The following ZNF536 variants were observed in gnomAD, a reference collection of about 807,000 sequenced individuals.
ZNF536 encodes the protein zinc finger protein 536.
In ZNF536, 13 loss-of-function variants were observed where a neutral mutation model predicts 84.5. That is an observed-to-expected ratio of 0.15 (90% CI 0.10 to 0.24). The LOEUF is 0.24. ZNF536 is among the 10% of genes least tolerant of loss of function. The pLI, the probability that ZNF536 is intolerant of heterozygous loss-of-function variation, is 1.00. For missense variants in ZNF536, 1,536 were observed against 1,747.5 expected, an observed-to-expected ratio of 0.88 and a Z score of 2.16; for synonymous variants, 811 against 742.5, an observed-to-expected ratio of 1.09 and a Z score of -1.50.
At chr19:30,495,151 C>T (rs1419986942) in intron 2 of ZNF536, among the ~76,000 whole-genome samples, 1 of 152,174 alleles carries the variant, frequency 6.6e-6, no homozygotes, top group African/African-American at 2.4e-5. Context: ...CTACCTTTCA[C>T]ATAGTACATT....
chr19:30,375,599 G>C lies in ZNF536; in HGVS notation c.-3+3043G>C, dbSNP rs915169802. On this transcript the variant is annotated intron_variant, in intron 1 of 4. Coordinates refer to ENST00000355537, the MANE Select transcript of ZNF536 (RefSeq NM_014717.3). ...GGAGGTCCCGGGACTTGGGGTGTGA[G>C]TGCCTGTGTGGGGGTAGGGGCAGGT... Among the ~76,000 whole-genome samples the C allele has an allele frequency of 4.6e-5, 7 of 152,234 alleles. 1 individual carries two copies. Among genetic ancestry groups the C allele is most frequent in the African/African-American group, 1.4e-4 (6 of 41,472 alleles).
intron 3 of ZNF536, among the ~76,000 whole-genome samples, chr19:30,538,693 G>C (rs1330302101): frequency 6.6e-6 from 1 of 152,188 alleles, no homozygotes; most frequent in Non-Finnish European, 1.5e-5. Context: ...CCTCACTCTG[G>C]CTCCAGGCAG....
At chr19:30,583,649 C>T (rs1055597195) in intron 1 of ZNF536, among the ~76,000 whole-genome samples, 1 of 152,136 alleles carries the variant, frequency 6.6e-6, no homozygotes. Context: ...GAAAGCAGTG[C>T]TTTCTGTACA....
chr19:30,486,593 T>A (rs1208559755), intron 2 of ZNF536, among the ~76,000 whole-genome samples: 1 of 152,232 alleles, frequency 6.6e-6, no homozygotes, highest in East Asian at 1.9e-4. Flanking sequence ...ATAGAATGAT[T>A]TATATTCCTT....
intron 2 of ZNF536, among the ~76,000 whole-genome samples, chr19:30,469,990 G>C (rs775355429): frequency 2.0e-5 from 3 of 152,236 alleles, no homozygotes; most frequent in Non-Finnish European, 4.4e-5. Context: ...GTCTCCAGGG[G>C]GAGAGATGTA....
At chr19:30,605,994 T>G (rs916869306) in intron 1 of ZNF536, among the ~76,000 whole-genome samples, 3 of 151,840 alleles carry the variant, frequency 2.0e-5, no homozygotes, top group African/African-American at 7.2e-5. Flanking sequence ...AGGTAGCCAG[T>G]CTTCTGTGAG....
chr19:30,237,281 G>C (rs528827509), intron 1 of ZNF536, among the ~76,000 whole-genome samples: 10 of 152,254 alleles, frequency 6.6e-5, no homozygotes, highest in Admixed American at 5.2e-4. Flanking sequence ...GTTTCCAGCT[G>C]CTTCCTTCCC....
intron 2 of ZNF536, among the ~76,000 whole-genome samples, chr19:30,479,477 A>T (rs1178297426): frequency 6.6e-6 from 1 of 152,252 alleles, no homozygotes; most frequent in African/African-American, 2.4e-5. Context: ...GGAGACAGGA[A>T]TTGCTAGTTG....
intron 2 of ZNF536, among the ~76,000 whole-genome samples, chr19:30,477,986 C>T (rs2053918641): frequency 6.6e-6 from 1 of 152,076 alleles, no homozygotes; most frequent in Admixed American, 6.5e-5. Context: ...CACCTTGCAG[C>T]TTCTGATGAT....
chr19:30,473,784 G>T (rs765633304), intron 2 of ZNF536, among the ~76,000 whole-genome samples: 1 of 152,166 alleles, frequency 6.6e-6, no homozygotes, highest in Non-Finnish European at 1.5e-5. Context: ...TGCCCTTCTG[G>T]CCCATCCTTC....
intron 1 of ZNF536, among the ~76,000 whole-genome samples, chr19:30,620,054 T>G (rs1252380550): frequency 6.6e-6 from 1 of 151,132 alleles, no homozygotes; most frequent in Admixed American, 6.7e-5. Flanking sequence ...GTAGTGATAA[T>G]TTAGGTACAC....
chr19:30,624,203 C>T (rs1488573144), intron 1 of ZNF536, among the ~76,000 whole-genome samples: 1 of 152,146 alleles, frequency 6.6e-6, no homozygotes, highest in Non-Finnish European at 1.5e-5. Context: ...GGTTGCTTGG[C>T]CCTCCAAGTT....
chr19:30,263,426 C>T (rs570973592), intron 1 of ZNF536, among the ~76,000 whole-genome samples: 4 of 152,188 alleles, frequency 2.6e-5, no homozygotes, highest in Non-Finnish European at 4.4e-5. Flanking sequence ...CAGGGACCAT[C>T]CCCCCGACCA....
At chr19:30,431,364 C>T (rs2147978196) in intron 1 of ZNF536, among the ~76,000 whole-genome samples, 1 of 152,320 alleles carries the variant, frequency 6.6e-6, no homozygotes, top group Non-Finnish European at 1.5e-5. Flanking sequence ...CAGCCTCCAT[C>T]TGTTAGCCTC....
intron 1 of ZNF536, among the ~76,000 whole-genome samples, chr19:30,606,229 T>TAATAA (rs368491547): frequency 3.2e-5 from 3 of 94,162 alleles, no homozygotes; most frequent in Non-Finnish European, 6.1e-5. Context: ...TAAAATAAAA[T>TAATAA]AATAAAATAA....
intron 2 of ZNF536, among the ~76,000 whole-genome samples, chr19:30,466,448 T>C (rs149155432): frequency 4.3e-3 from 646 of 150,696 alleles, no homozygotes; most frequent in Non-Finnish European, 7.0e-3. Flanking sequence ...CCTGTAGTTG[T>C]AGCTACTCAG....
intron 1 of ZNF536, among the ~76,000 whole-genome samples, chr19:30,232,186 C>T (rs931737565): frequency 1.3e-5 from 2 of 152,152 alleles, no homozygotes; most frequent in African/African-American, 2.4e-5. Flanking sequence ...ATGCCATCAA[C>T]GGGCTCCTGT....
chr19:30,486,782 C>T (rs750680976), intron 2 of ZNF536, among the ~76,000 whole-genome samples: 4 of 152,148 alleles, frequency 2.6e-5, no homozygotes, highest in South Asian at 2.1e-4. Flanking sequence ...TAACTTCTTA[C>T]ATGTATTTTC....
intron 2 of ZNF536, among the ~76,000 whole-genome samples, chr19:30,463,219 T>C (rs1371862990): frequency 6.6e-6 from 1 of 152,166 alleles, no homozygotes. Context: ...CCAAGGACTA[T>C]GACCTTCAAC....
Sources: allele counts gnomAD v4.1 joint callset (sites outside exome capture counted in the v4.1 genomes callset), GRCh38; gene constraint gnomAD v4.1.1; transcripts MANE v1.5; gene names NCBI Gene and HGNC (gene_info 2026-07-23, HGNC 2026-07-21).